Variants in TMEM235 observed in about 807,000 individuals in gnomAD.
TMEM235 encodes the protein claudin-27.
In TMEM235, 23 loss-of-function variants were observed where a neutral mutation model predicts 22.9. The ratio of observed to expected loss-of-function variants is 1.00; its 90% CI spans 0.72 to 1.42. The LOEUF is 1.42. Ranked by LOEUF, TMEM235 falls within the 40% of genes most tolerant of loss-of-function variation. The pLI is 0.00. For synonymous variants in TMEM235, 137 were observed against 140.5 expected, an observed-to-expected ratio of 0.98 and a Z score of 0.17; for missense variants, 308 against 299.5, an observed-to-expected ratio of 1.03 and a Z score of -0.21.
chr17:78,236,197 G>A (rs2076641144), intron 4 of TMEM235, among the ~76,000 whole-genome samples: 1 of 152,214 alleles, frequency 6.6e-6, no homozygotes, highest in African/African-American at 2.4e-5. Context: ...GGCCTCCAGG[G>A]CAACCCCAGG....
exon 6 of TMEM235, chr17:78,240,112 G>A (rs1356938143): frequency 3.8e-5 from 51 of 1,342,074 alleles, no homozygotes; most frequent in African/African-American, 1.0e-4. Flanking sequence ...TCCGGCCCCC[G>A]ACCCTTCCTC....
intron 3 of TMEM235, 98 bp from the exon 3 acceptor site, chr17:78,234,495 T>G (rs2145917895): frequency 6.7e-7 from 1 of 1,500,526 alleles, no homozygotes; most frequent in East Asian, 2.5e-5. Flanking sequence ...CAGCCGCTTT[T>G]CCTGAGAAGA....
chr17:78,239,032 A>C, exon 5 of TMEM235: 1 of 1,540,006 alleles, frequency 6.5e-7, no homozygotes. Flanking sequence ...AGGTGTCCTG[A>C]CACTGGCGGG....
At chr17:78,231,850 C>A in exon 2 of TMEM235, 1 of 1,169,274 alleles carries the variant, frequency 8.6e-7, no homozygotes, top group South Asian at 1.6e-5. Context: ...GATCTCCCTG[C>A]GACCCCAGGG....
At chr17:78,240,013 C>T (rs573075315) in exon 6 of TMEM235, 1 of 1,528,536 alleles carries the variant, frequency 6.5e-7, no homozygotes, top group Admixed American at 2.0e-5. Context: ...CCCTTGTTCT[C>T]AAGCCTGCTA....
rs571410464 is a variant in TMEM235 at position 78,237,148 on chromosome 17, A to G, written c.410-1876A>G. On this transcript the variant is annotated intron_variant, in intron 4 of 5. Coordinates refer to ENST00000421688, the Ensembl canonical transcript of TMEM235. This position sits in a 1 kb window ranked among gnomAD's most constrained non-coding sequence, Gnocchi z 4.7. The stretch of plus-strand genomic sequence containing the variant: ...CTGCGACTCCAGCCTCCCCAGGCAG[A>G]GGGGGCCTCCATCCTAGTATGAGGG... Among the ~76,000 whole-genome samples the G allele has an allele frequency of 6.6e-6, 1 of 152,138 alleles. No homozygotes were observed. Among genetic ancestry groups the G allele is most frequent in the Non-Finnish European group, 1.5e-5 (1 of 67,964 alleles).
Position 78,237,617 on chromosome 17 carries a change from G to A in TMEM235, c.410-1407G>A, listed in dbSNP as rs865798371. ...GCGGCCTGCCAGGAAGTGGGGCCTT[G>A]GGCTGCAGCTGCAGCCAGTGCTACA... is the stretch of plus-strand genomic sequence containing the variant. On this transcript the variant is annotated intron_variant, in intron 4 of 5. Coordinates refer to ENST00000421688, the Ensembl canonical transcript of TMEM235. This position sits in a 1 kb window ranked among gnomAD's most constrained non-coding sequence, Gnocchi z 4.7. Among the ~76,000 whole-genome samples the A allele has an allele frequency of 2.0e-5, 3 of 152,084 alleles. No individual in the cohort carries two copies. Among genetic ancestry groups the A allele is most frequent in the Middle Eastern group, 6.8e-3 (2 of 294 alleles).
rs562772900 is a variant in TMEM235 at position 78,239,718 on chromosome 17, C to G, written c.660-62C>G. The G allele has an allele frequency of 7.3e-6, 11 of 1,497,940 alleles. No individual in the cohort carries two copies. In the African/African-American group the frequency reaches 1.1e-4, roughly 15 times the overall value. 92.8% of individuals were successfully genotyped at this position (1,497,940 alleles called of 1,614,324 possible). On this transcript the variant is annotated intron_variant, in intron 5 of 5. Transcript: ENST00000421688. ...CTGTTAAATGCCGCAGGACTGGGCT[C>G]CATGCTCCTCTCCAGCCCCGCAATG...
chr17:78,231,692 C>A, exon 2 of TMEM235: 1 of 1,285,058 alleles, frequency 7.8e-7, no homozygotes. Flanking sequence ...GCCGGGGGTT[C>A]AGGGAAATTA....
Position 78,231,624 on chromosome 17 carries a change from T to C in TMEM235, c.-400T>C. ...TCGGTCTCTGGCCGATCCTCCCTCCTCCTCTCAAGCCCTGCACAGCCCGGC... is the reference window on the plus strand; with the variant it reads ...TCGGTCTCTGGCCGATCCTCCCTCCCCCTCTCAAGCCCTGCACAGCCCGGC... On this transcript the variant is annotated 5_prime_UTR_variant, in exon 2 of 6. Coordinates refer to ENST00000421688, the Ensembl canonical transcript of TMEM235. The C allele has an allele frequency of 1.5e-6, 2 of 1,303,464 alleles. No individual in the cohort carries two copies. The highest frequency in any genetic ancestry group is 2.0e-6 in the Non-Finnish European group (2 of 988,196). 80.7% of individuals were successfully genotyped at this position (1,303,464 alleles called of 1,614,324 possible).
chr17:78,234,374 ATGG>A, intron 3 of TMEM235: 1 of 749,306 alleles, frequency 1.3e-6, no homozygotes, highest in Non-Finnish European at 2.3e-6. Context: ...AGGCCTGGGG[ATGG>A]GGGCTGGGAG....
exon 6 of TMEM235, chr17:78,240,001 C>T (rs1382112938): frequency 1.3e-6 from 2 of 1,534,732 alleles, no homozygotes; most frequent in Middle Eastern, 4.1e-4. Context: ...CCTCTGCCCC[C>T]TCCCTTGTTC....
At chr17:78,231,976 C>G (rs892498823) in exon 2 of TMEM235, 1 of 1,091,846 alleles carries the variant, frequency 9.2e-7, no homozygotes, top group African/African-American at 1.7e-5. Flanking sequence ...CCCCGCCGCC[C>G]CCGGGGCCCT....
chr17:78,239,832 G>A (rs1175415380), exon 6 of TMEM235: 22 of 1,551,256 alleles, frequency 1.4e-5, no homozygotes, highest in Admixed American at 5.9e-5. Context: ...ATCGCCTGGC[G>A]CCAGAGAGAT....
At chr17:78,239,704 C>G (rs1420112212) in intron 5 of TMEM235, 76 bp from the exon 5 acceptor site, 1 of 1,481,908 alleles carries the variant, frequency 6.7e-7, no homozygotes. Context: ...TGTTAAATGC[C>G]GCAGGACTGG....
At chr17:78,232,000 C>T in exon 2 of TMEM235, 1 of 1,227,326 alleles carries the variant, frequency 8.1e-7, no homozygotes, top group Non-Finnish European at 1.0e-6. Flanking sequence ...ACCCCCGACC[C>T]GTCCCCTCCC....
At chr17:78,233,005 ATGAG>A (rs2076601555) in intron 2 of TMEM235, among the ~76,000 whole-genome samples, 1 of 152,192 alleles carries the variant, frequency 6.6e-6, no homozygotes, top group Non-Finnish European at 1.5e-5. Flanking sequence ...GGGCATGTAT[ATGAG>A]TGAGTGCATG....
intron 4 of TMEM235, among the ~76,000 whole-genome samples, chr17:78,235,968 G>A (rs2076638096): frequency 6.6e-6 from 1 of 152,216 alleles, no homozygotes; most frequent in Non-Finnish European, 1.5e-5. Flanking sequence ...ACAGCACCAA[G>A]GGAAATGGTG....
At position 78,236,632 on chromosome 17, in the gene TMEM235, G is replaced by A. The variant is rs761625561; in HGVS notation, c.409+1902G>A. On this transcript the variant is annotated intron_variant, in intron 4 of 5. Coordinates refer to ENST00000421688, the Ensembl canonical transcript of TMEM235. ...CTGGCTGTTGCGGAAGGTGGACTAGGGGCTCCTGACAGTCTGTCCTCAGCC... is the reference window on the plus strand; with the variant it reads ...CTGGCTGTTGCGGAAGGTGGACTAGAGGCTCCTGACAGTCTGTCCTCAGCC... 1.1e-3 allele frequency among the ~76,000 whole-genome samples: 163 copies of A among 152,364 alleles called. 1 individual carries two copies. Among genetic ancestry groups the A allele is most frequent in the Middle Eastern group, 3.4e-3 (1 of 294 alleles).
Sources: gnomAD v4.1 joint callset for allele counts (sites outside exome capture counted in the v4.1 genomes callset) on GRCh38, gnomAD v4.1.1 for gene constraint, Gnocchi (gnomAD v3.1) non-coding constraint, MANE v1.5 for transcripts, NCBI Gene and HGNC (gene_info 2026-07-23, HGNC 2026-07-21) for gene names.